Variants in RAP1GAP2 observed in about 807,000 individuals in gnomAD.
RAP1GAP2 encodes rap1 GTPase-activating protein 2.
A neutral mutation model predicts 95.0 loss-of-function variants in RAP1GAP2; 27 were observed. The observed-to-expected ratio is 0.28, with a 90% CI of 0.21 to 0.39. The LOEUF (loss-of-function observed/expected upper bound fraction) is 0.39. RAP1GAP2 is among the 10% of genes least tolerant of loss of function. The probability of loss-of-function intolerance (pLI) is 1.00; values close to 1 mark genes in which losing one functional copy is unlikely to be tolerated. For missense variants in RAP1GAP2, 771 were observed against 970.0 expected, an observed-to-expected ratio of 0.79 and a Z score of 2.72; for synonymous variants, 373 against 380.9, an observed-to-expected ratio of 0.98 and a Z score of 0.24.
intron 2 of RAP1GAP2, among the ~76,000 whole-genome samples, chr17:2,828,560 C>T (rs946238020): frequency 3.9e-5 from 6 of 152,046 alleles, no homozygotes; most frequent in African/African-American, 1.2e-4. Flanking sequence ...CCTGAAGAGC[C>T]GGCGGGAAGA....
intron 3 of RAP1GAP2, among the ~76,000 whole-genome samples, chr17:2,914,471 C>G (rs1258250276): frequency 6.6e-6 from 1 of 151,886 alleles, no homozygotes; most frequent in Non-Finnish European, 1.5e-5. Flanking sequence ...TTTACATATT[C>G]TAGTCAAGTT....
In RAP1GAP2 at chr17:3,005,512, G is replaced by A; in HGVS notation, c.1272+72G>A. On this transcript the variant is annotated intron_variant, in intron 15 of 24. Transcript: ENST00000254695. This position sits in a 1 kb window ranked among gnomAD's most constrained non-coding sequence, Gnocchi z 5.2. Reference sequence around the variant, plus strand: ...CTCAGTGCTTGAGTAGCAATGGTTGGGATGGAGCCAAATTCAGGCTGGGAA... The same window carrying A: ...CTCAGTGCTTGAGTAGCAATGGTTGAGATGGAGCCAAATTCAGGCTGGGAA... 5 of 1,511,412 alleles carry A rather than the reference G, an allele frequency of 3.3e-6. No individual in the cohort carries two copies. The highest frequency in any genetic ancestry group is 4.6e-6 in the Non-Finnish European group (5 of 1,086,504). 93.6% of individuals were successfully genotyped at this position (1,511,412 alleles called of 1,614,324 possible).
intron 8 of RAP1GAP2, among the ~76,000 whole-genome samples, chr17:2,967,211 A>AT (rs2044648736): frequency 1.3e-5 from 2 of 152,042 alleles, no homozygotes; most frequent in Non-Finnish European, 2.9e-5. Flanking sequence ...TACTAAAAAT[A>AT]CAAAAAAAAA....
upstream of RAP1GAP2, among the ~76,000 whole-genome samples, chr17:2,792,807 C>T (rs2068961235): frequency 6.6e-6 from 1 of 152,238 alleles, no homozygotes; most frequent in Non-Finnish European, 1.5e-5. Flanking sequence ...GAAACGCACC[C>T]CTTCCCTGTC....
chr17:2,823,223 C>G (rs900556526), intron 2 of RAP1GAP2, among the ~76,000 whole-genome samples: 1 of 152,082 alleles, frequency 6.6e-6, no homozygotes, highest in African/African-American at 2.4e-5. Context: ...GAAGCCCTAT[C>G]GGCCAGGGAG....
Position 2,781,754 on chromosome 17 carries a change from C to T in RAP1GAP2, c.-14+4476C>T, listed in dbSNP as rs373928256. The stretch of plus-strand genomic sequence containing the variant: ...TGTGCACGTCTCTGTGTGAGTACGT[C>T]TCTGTGTGTGCACGTCTGTGTGTGC... On this transcript the variant is annotated intron_variant, in intron 1 of 24. Coordinates refer to the RAP1GAP2 transcript ENST00000540393. Among the ~76,000 whole-genome samples, 908 of 140,598 alleles carry T rather than the reference C, an allele frequency of 6.5e-3. 5 individuals are homozygous for T. The highest frequency in any genetic ancestry group is 0.023 in the African/African-American group (858 of 36,722). The allele number at this position is 140,598 out of a possible 152,430, so 92.2% of individuals were successfully genotyped here.
At position 2,963,843 on chromosome 17, in the gene RAP1GAP2, C is replaced by A. The variant is rs1268484821; in HGVS notation, c.280-13C>A. On this transcript the variant is annotated splice_polypyrimidine_tract_variant and intron_variant, in intron 6 of 24. Transcript: ENST00000254695. The surrounding 1 kb of genome is among the most constrained non-coding windows in gnomAD (Gnocchi z 4.8). ...GGTCCCAGGGGAGCGCACGACCCTC[C>A]CTCTGCCTTCAGGTTGTGGAGAAGG... The A allele has an allele frequency of 1.3e-6, 2 of 1,578,448 alleles. No homozygotes were observed. Among genetic ancestry groups the A allele is most frequent in the African/African-American group, 2.7e-5 (2 of 74,318 alleles).
Position 2,924,243 on chromosome 17 carries a change from C to G in RAP1GAP2, c.165+18875C>G, listed in dbSNP as rs532669812. Among the ~76,000 whole-genome samples, 10 of 152,178 alleles carry G rather than the reference C, an allele frequency of 6.6e-5. No individual in the cohort carries two copies. In the East Asian group the frequency reaches 1.9e-3, roughly 29 times the overall value. On this transcript the variant is annotated intron_variant, in intron 3 of 24. Coordinates refer to ENST00000254695, the MANE Select transcript of RAP1GAP2 (RefSeq NM_015085.5). Reference sequence around the variant, plus strand: ...GCTCCTTTTGAGGGGACCTGCTGTTCTCAGAAGAGCAGGCTGAGTAACGGT... The same window carrying G: ...GCTCCTTTTGAGGGGACCTGCTGTTGTCAGAAGAGCAGGCTGAGTAACGGT...
intron 19 of RAP1GAP2, among the ~76,000 whole-genome samples, chr17:3,022,436 C>T (rs779471287): frequency 1.2e-4 from 18 of 152,164 alleles, no homozygotes; most frequent in South Asian, 4.2e-4. Flanking sequence ...GAGTTGAGAA[C>T]GGTTGTCTGT....
In RAP1GAP2 at chr17:2,980,332, G is replaced by A. The variant is rs2045312283; in HGVS notation, c.642G>A (p.Leu214=). ...ATGAGCGGATCCCCTTGGCTGGACT[G>A]AGCAAGCTTCCCAGTGTCCCTCAGA... is the stretch of plus-strand genomic sequence containing the variant. ...TVHERIPLAG[L]SKLPSVPQIA... is the part of the protein sequence containing the mutation. Residue 214 remains leucine, a synonymous_variant, in exon 9 of 25, where the codon CTG becomes CTA. Coordinates refer to ENST00000254695, the MANE Select transcript of RAP1GAP2 (RefSeq NM_015085.5). 1 of 1,613,904 alleles carries A rather than the reference G, an allele frequency of 6.2e-7. No individual in the cohort carries two copies.
chr17:3,030,924 G>A lies in RAP1GAP2; in HGVS notation c.2110G>A (p.Ala704Thr). 1 of 1,606,542 alleles carries A rather than the reference G, an allele frequency of 6.2e-7. No homozygotes were observed. Among genetic ancestry groups the A allele is most frequent in the Non-Finnish European group, 8.5e-7 (1 of 1,176,146 alleles). Residue 704 changes from alanine (A) to threonine (T), a missense_variant and splice_region_variant, in exon 23 of 25, where the codon GCC becomes ACC. By Grantham distance (58) the Ala-to-Thr change is moderately conservative (BLOSUM62 0). Coordinates refer to ENST00000254695, the MANE Select transcript of RAP1GAP2 (RefSeq NM_015085.5). Reference sequence around the variant, plus strand: ...TTCATGGCCGTTCTTTTTCTTAGATGCCAAAAGCAGAAACTCCCCGAGATC... The same window carrying A: ...TTCATGGCCGTTCTTTTTCTTAGATACCAAAAGCAGAAACTCCCCGAGATC... ...PIIMSRSPTD[A>T]KSRNSPRSNL...
At chr17:2,874,210 C>G (rs947892036) in intron 2 of RAP1GAP2, among the ~76,000 whole-genome samples, 14 of 152,216 alleles carry the variant, frequency 9.2e-5, no homozygotes, top group African/African-American at 3.4e-4. Flanking sequence ...TAAGATTGAG[C>G]TCTGTGCCTG....
Position 2,903,393 on chromosome 17 carries a change from C to T in RAP1GAP2, c.81-1891C>T, listed in dbSNP as rs2042088071. Among the ~76,000 whole-genome samples the T allele has an allele frequency of 6.6e-6, 1 of 152,144 alleles. No homozygotes were observed. Among genetic ancestry groups the T allele is most frequent in the African/African-American group, 2.4e-5 (1 of 41,412 alleles). On this transcript the variant is annotated intron_variant, in intron 2 of 24. Transcript: ENST00000254695. The surrounding 1 kb of genome is among the most constrained non-coding windows in gnomAD (Gnocchi z 4.1). ...GGCAGGTGAGTGTCTGGCAGAGCAGCCAGACTGGAGCCTACGGTGGTAATG... is the reference window on the plus strand; with the variant it reads ...GGCAGGTGAGTGTCTGGCAGAGCAGTCAGACTGGAGCCTACGGTGGTAATG...
At chr17:2,917,372 G>A (rs1317212854) in intron 3 of RAP1GAP2, among the ~76,000 whole-genome samples, 1 of 152,062 alleles carries the variant, frequency 6.6e-6, no homozygotes, top group Non-Finnish European at 1.5e-5. Context: ...CCGGGTTCAA[G>A]CAATTCTCCT....
At chr17:2,832,381 A>AC (rs1431165246) in intron 2 of RAP1GAP2, among the ~76,000 whole-genome samples, 2 of 150,486 alleles carry the variant, frequency 1.3e-5, no homozygotes, top group Admixed American at 6.7e-5. Context: ...AAACGGTGAA[A>AC]CCCCATCTCT....
At chr17:3,002,024 G>A (rs2046178540) in intron 14 of RAP1GAP2, among the ~76,000 whole-genome samples, 1 of 149,100 alleles carries the variant, frequency 6.7e-6, no homozygotes, top group Admixed American at 6.7e-5. Context: ...GTGCAGTGGT[G>A]TGATCTTGGC....
chr17:2,894,201 G>A (rs912745874), intron 2 of RAP1GAP2, among the ~76,000 whole-genome samples: 5 of 151,752 alleles, frequency 3.3e-5, no homozygotes, highest in African/African-American at 1.2e-4. Flanking sequence ...GGCCAAGGCA[G>A]GCAGATCACC....
chr17:3,023,963 T>C (rs1276659092), intron 19 of RAP1GAP2, among the ~76,000 whole-genome samples: 1 of 152,238 alleles, frequency 6.6e-6, no homozygotes, highest in African/African-American at 2.4e-5. Context: ...GCTTCATCCA[T>C]GTCCCTGCAA....
At chr17:2,781,584 G>A (rs2068649001) in intron 1 of RAP1GAP2, among the ~76,000 whole-genome samples, 1 of 150,854 alleles carries the variant, frequency 6.6e-6, no homozygotes, top group African/African-American at 2.5e-5. Context: ...AGGTCTCTGT[G>A]TGGGCACGTC....
Sources: allele counts gnomAD v4.1 joint callset (sites outside exome capture counted in the v4.1 genomes callset), GRCh38; gene constraint gnomAD v4.1.1; non-coding constraint Gnocchi (gnomAD v3.1); transcripts MANE v1.5; gene names NCBI Gene and HGNC (gene_info 2026-07-23, HGNC 2026-07-21).